MAPKAP1: variants seen among roughly 807,000 people sequenced by gnomAD.
MAPKAP1 encodes MAPK associated protein 1, also known as target of rapamycin complex 2 subunit MAPKAP1.
MAPKAP1 carries 20 observed loss-of-function variants against 65.7 expected under a neutral mutation model. The observed-to-expected ratio is 0.30, with a 90% CI of 0.21 to 0.44. MAPKAP1 has a LOEUF of 0.44. Ranked by LOEUF, MAPKAP1 falls within the 20% of genes least tolerant of loss-of-function variation. The pLI, the probability that MAPKAP1 is intolerant of heterozygous loss-of-function variation, is 1.00. For missense variants in MAPKAP1, 423 were observed against 648.0 expected (o/e 0.65, Z 3.77); for synonymous variants, 222 against 244.3 (o/e 0.91, Z 0.85).
chr9:125,523,152 T>C (rs146522914), intron 7 of MAPKAP1, among the ~76,000 whole-genome samples: 3 of 152,270 alleles, frequency 2.0e-5, no homozygotes, highest in African/African-American at 7.2e-5. Flanking sequence ...CCTTGGCCTT[T>C]ACATCTCATT....
At chr9:125,455,594 A>AT (rs1438161568) in intron 10 of MAPKAP1, among the ~76,000 whole-genome samples, 1,824 of 152,230 alleles carry the variant, frequency 0.012, 40 homozygotes, top group African/African-American at 0.042. Flanking sequence ...TAAGAAGTGT[A>AT]GTTTTTTTTT....
intron 3 of MAPKAP1, among the ~76,000 whole-genome samples, chr9:125,662,483 A>G (rs1474431026): frequency 6.6e-6 from 1 of 152,182 alleles, no homozygotes; most frequent in Non-Finnish European, 1.5e-5. Flanking sequence ...GAAAATCGAG[A>G]CCATCCTGGC....
chr9:125,633,205 C>A (rs1056359608), intron 4 of MAPKAP1, among the ~76,000 whole-genome samples: 4 of 152,144 alleles, frequency 2.6e-5, no homozygotes, highest in Admixed American at 1.3e-4. Context: ...ATGCACAGCG[C>A]CAACAGAGCT....
At chr9:125,688,206 T>G (rs1486198084) in intron 1 of MAPKAP1, among the ~76,000 whole-genome samples, 1 of 152,134 alleles carries the variant, frequency 6.6e-6, no homozygotes, top group Non-Finnish European at 1.5e-5. Flanking sequence ...TGGTGCAGTC[T>G]CAGCTCACTG....
chr9:125,532,887 T>A (rs1829972106), intron 7 of MAPKAP1, among the ~76,000 whole-genome samples: 1 of 152,226 alleles, frequency 6.6e-6, no homozygotes, highest in African/African-American at 2.4e-5. Flanking sequence ...AAAAATCTGT[T>A]TTTTAAACTA....
chr9:125,495,257 C>T (rs958093590), intron 8 of MAPKAP1, among the ~76,000 whole-genome samples: 5 of 152,302 alleles, frequency 3.3e-5, no homozygotes, highest in South Asian at 2.1e-4. Flanking sequence ...GAGGGCATAT[C>T]CGCTGGAAGA....
intron 10 of MAPKAP1, among the ~76,000 whole-genome samples, chr9:125,459,147 C>A (rs1286534643): frequency 6.7e-6 from 1 of 148,210 alleles, no homozygotes; most frequent in South Asian, 2.2e-4. Context: ...GGGTCGCGGC[C>A]GGGCAGAGGC....
chr9:125,570,071 T>A (rs964927977), intron 5 of MAPKAP1, among the ~76,000 whole-genome samples: 1 of 152,224 alleles, frequency 6.6e-6, no homozygotes, highest in Non-Finnish European at 1.5e-5. Flanking sequence ...TTACCTACCT[T>A]AAAGCCATTA....
intron 8 of MAPKAP1, among the ~76,000 whole-genome samples, chr9:125,500,678 G>C (rs115597966): frequency 1.3e-5 from 2 of 152,190 alleles, no homozygotes; most frequent in African/African-American, 4.8e-5. Flanking sequence ...GGAATTAGGG[G>C]ATGGAAGAAG....
chr9:125,509,229 G>A (rs372835274), intron 7 of MAPKAP1, among the ~76,000 whole-genome samples: 2 of 151,884 alleles, frequency 1.3e-5, no homozygotes, highest in Non-Finnish European at 1.5e-5. Flanking sequence ...AAAATATCAC[G>A]TGTACTCCAC....
chr9:125,559,492 T>C lies in MAPKAP1; in HGVS notation c.848+141A>G, dbSNP rs562004. The C allele has an allele frequency of 0.57, 399,827 of 702,048 alleles. 115,761 individuals are homozygous for C. The highest frequency in any genetic ancestry group is 0.68 in the East Asian group (24,363 of 35,946). 43.5% of individuals were successfully genotyped at this position (702,048 alleles called of 1,614,324 possible). ...TACAATGCGAATGTCGTCCTCAGCA[T>C]CTCTCTGGGAGTCATCGTTATTACC... On this transcript the variant is annotated intron_variant, in intron 6 of 11. Coordinates refer to ENST00000265960, the MANE Select transcript of MAPKAP1 (RefSeq NM_001006617.3).
At chr9:125,521,423 AT>A in intron 7 of MAPKAP1, 1 of 1,070,156 alleles carries the variant, frequency 9.3e-7, no homozygotes, top group Non-Finnish European at 1.1e-6. Context: ...ACAATACCAA[AT>A]TTTACATACA....
At chr9:125,557,797 C>T (rs1318249785) in intron 6 of MAPKAP1, among the ~76,000 whole-genome samples, 2 of 152,050 alleles carry the variant, frequency 1.3e-5, no homozygotes, top group African/African-American at 4.8e-5. Context: ...AGTGCTGTCT[C>T]TGCCTAGATC....
At chr9:125,622,932 G>A (rs962519291) in intron 4 of MAPKAP1, among the ~76,000 whole-genome samples, 8 of 152,072 alleles carry the variant, frequency 5.3e-5, no homozygotes, top group East Asian at 1.9e-4. Flanking sequence ...TCAGTCTGCC[G>A]AATGCCTGCG....
At position 125,506,340 on chromosome 9, in the gene MAPKAP1, C is replaced by T. The variant is rs770427858; in HGVS notation, c.1036G>A (p.Ala346Thr). The T allele has an allele frequency of 1.8e-5, 29 of 1,613,966 alleles. No individual in the cohort carries two copies. Among genetic ancestry groups the T allele is most frequent in the African/African-American group, 4.0e-5 (3 of 74,910 alleles). ...TCGCGGACCAGGCAGAACTCCCATG[C>T]GCTCTGGCTCTCCAAAGTGCTGTCC... Reference protein sequence around the residue: ...DLDSTLESQSAWEFCLVRENS... With the variant: ...DLDSTLESQSTWEFCLVRENS... Residue 346 changes from alanine (A) to threonine (T), a missense_variant, in exon 8 of 12, where the codon GCA (alanine) becomes ACA (threonine). Physicochemically the swap from Ala to Thr is moderately conservative, Grantham distance 58 (BLOSUM62 0). This residue lies in a region of MAPKAP1 where 185 missense variants were observed against 268.1 expected (regional missense o/e 0.69). Coordinates refer to ENST00000265960, the MANE Select transcript of MAPKAP1 (RefSeq NM_001006617.3).
At chr9:125,704,707 G>A (rs896333340) in intron 1 of MAPKAP1, among the ~76,000 whole-genome samples, 8 of 152,036 alleles carry the variant, frequency 5.3e-5, no homozygotes, top group Admixed American at 1.3e-4. Context: ...CCAACTTTAC[G>A]TCCTTGTACC....
intron 4 of MAPKAP1, among the ~76,000 whole-genome samples, chr9:125,629,954 A>T (rs948400926): frequency 2.6e-5 from 4 of 152,146 alleles, no homozygotes; most frequent in African/African-American, 7.2e-5. Flanking sequence ...AATGACATGA[A>T]TATCAAAATT....
intron 4 of MAPKAP1, among the ~76,000 whole-genome samples, chr9:125,653,650 G>A (rs528436825): frequency 6.6e-6 from 1 of 152,192 alleles, no homozygotes; most frequent in Admixed American, 6.5e-5. Flanking sequence ...TGAACCCCAA[G>A]CTTCATGAGG....
intron 5 of MAPKAP1, among the ~76,000 whole-genome samples, chr9:125,560,888 G>A (rs1830873052): frequency 6.6e-6 from 1 of 152,132 alleles, no homozygotes; most frequent in Non-Finnish European, 1.5e-5. Context: ...CCCTCTTTGG[G>A]GGAAGTAAAA....
Sources: allele counts gnomAD v4.1 joint callset (sites outside exome capture counted in the v4.1 genomes callset), GRCh38; gene constraint gnomAD v4.1.1; regional missense constraint gnomAD v4.1.1; transcripts MANE v1.5; gene names NCBI Gene and HGNC (gene_info 2026-07-23, HGNC 2026-07-21).